Variants in PTPRK observed in about 807,000 individuals in gnomAD.
PTPRK encodes the protein receptor-type tyrosine-protein phosphatase kappa.
In PTPRK, 75 loss-of-function variants were observed where a neutral mutation model predicts 178.0. That is an observed-to-expected ratio of 0.42 (90% CI 0.35 to 0.51). The LOEUF (loss-of-function observed/expected upper bound fraction) is 0.51, where lower values mean the gene tolerates loss of function less well. Among genes scored for constraint, PTPRK ranks in the 20% least tolerant of loss-of-function variants. The pLI, the probability that PTPRK is intolerant of heterozygous loss-of-function variation, is 0.02. For missense variants in PTPRK, 1,441 were observed against 1,797.8 expected, an observed-to-expected ratio of 0.80 and a Z score of 3.59; for synonymous variants, 637 against 620.6, an observed-to-expected ratio of 1.03 and a Z score of -0.39.
At position 128,040,306 on chromosome 6, in the gene PTPRK, T is replaced by A. The variant is rs149509789; in HGVS notation, c.2194+24452A>T. Among the ~76,000 whole-genome samples, 536 of 152,270 alleles carry A rather than the reference T, an allele frequency of 3.5e-3. 3 individuals carry two copies. The highest frequency in any genetic ancestry group is 0.011 in the African/African-American group (467 of 41,574). On this transcript the variant is annotated intron_variant, in intron 13 of 29. Coordinates refer to ENST00000368226, the MANE Select transcript of PTPRK (RefSeq NM_002844.4). The stretch of plus-strand genomic sequence containing the variant: ...GCAGTTTTATTTATTTTATTTTTTT[T>A]AAATAAGAGTCAAAACCAAGATGAT...
chr6:128,124,654 T>A (rs907620580), intron 7 of PTPRK, among the ~76,000 whole-genome samples: 9 of 152,140 alleles, frequency 5.9e-5, no homozygotes, highest in Non-Finnish European at 1.0e-4. Flanking sequence ...GGTTATTATT[T>A]TTTTTTTCTG....
chr6:128,184,088 G>A (rs975670548), intron 7 of PTPRK, among the ~76,000 whole-genome samples: 2 of 152,056 alleles, frequency 1.3e-5, no homozygotes, highest in South Asian at 2.1e-4. Flanking sequence ...AAAAGTATTC[G>A]GTATTTGCTT....
chr6:128,244,303 G>A (rs761894242), intron 3 of PTPRK, among the ~76,000 whole-genome samples: 1 of 152,158 alleles, frequency 6.6e-6, no homozygotes, highest in Non-Finnish European at 1.5e-5. Flanking sequence ...GTTATCTGAC[G>A]AAGGATATCA....
chr6:128,043,873 T>G (rs1176195132), intron 13 of PTPRK, among the ~76,000 whole-genome samples: 1 of 151,924 alleles, frequency 6.6e-6, no homozygotes, highest in Non-Finnish European at 1.5e-5. Context: ...TATTTTTTAG[T>G]ATTCTGTATA....
intron 27 of PTPRK, among the ~76,000 whole-genome samples, chr6:127,976,056 C>T (rs190790602): frequency 4.6e-5 from 7 of 152,164 alleles, no homozygotes; most frequent in Admixed American, 1.3e-4. Context: ...CAGAGAAAGA[C>T]GATACAGTTA....
intron 21 of PTPRK, among the ~76,000 whole-genome samples, chr6:127,987,748 G>T (rs1776145704): frequency 6.6e-6 from 1 of 151,988 alleles, no homozygotes; most frequent in Middle Eastern, 3.2e-3. Context: ...TAGTGACACT[G>T]ATTATCCACA....
At chr6:128,015,370 C>T (rs771091650) in intron 13 of PTPRK, among the ~76,000 whole-genome samples, 49 of 151,686 alleles carry the variant, frequency 3.2e-4, no homozygotes, top group Non-Finnish European at 6.3e-4. Context: ...TAAAATAGAG[C>T]GTTAGTGCAC....
chr6:128,468,875 A>G (rs1429811024), intron 1 of PTPRK, among the ~76,000 whole-genome samples: 2 of 148,496 alleles, frequency 1.3e-5, no homozygotes, highest in Non-Finnish European at 1.5e-5. Context: ...AAATGAAAAC[A>G]CTGCCTCAAG....
At chr6:128,336,746 TAAAC>T (rs965698239) in intron 2 of PTPRK, among the ~76,000 whole-genome samples, 25 of 152,242 alleles carry the variant, frequency 1.6e-4, no homozygotes, top group African/African-American at 5.1e-4. Context: ...AACAAACAAA[TAAAC>T]AAAAACTTCT....
intron 3 of PTPRK, among the ~76,000 whole-genome samples, chr6:128,273,476 C>T (rs1199675712): frequency 6.6e-6 from 1 of 152,172 alleles, no homozygotes; most frequent in Non-Finnish European, 1.5e-5. Context: ...ATCTATCCTC[C>T]TTCCTATGTA....
chr6:128,081,638 T>A (rs1172360804), intron 10 of PTPRK, among the ~76,000 whole-genome samples: 1 of 152,026 alleles, frequency 6.6e-6, no homozygotes, highest in Non-Finnish European at 1.5e-5. Context: ...CTTTACTACA[T>A]TGTGTGGTTG....
chr6:128,142,553 T>A (rs1335824288), intron 7 of PTPRK, among the ~76,000 whole-genome samples: 1 of 150,570 alleles, frequency 6.6e-6, no homozygotes, highest in South Asian at 2.1e-4. Context: ...ATATACATAA[T>A]ATATATATAC....
At chr6:128,406,085 C>CA (rs973249993) in intron 1 of PTPRK, among the ~76,000 whole-genome samples, 19 of 151,406 alleles carry the variant, frequency 1.3e-4, no homozygotes, top group African/African-American at 4.4e-4. Context: ...AGGGAGAACC[C>CA]ACCTCTACAA....
At chr6:128,059,121 G>A (rs139283961) in intron 13 of PTPRK, among the ~76,000 whole-genome samples, 15 of 152,044 alleles carry the variant, frequency 9.9e-5, no homozygotes, top group Non-Finnish European at 1.9e-4. Context: ...GAGTAGCCTT[G>A]CATATTCTTA....
intron 3 of PTPRK, among the ~76,000 whole-genome samples, chr6:128,291,073 G>A (rs556788020): frequency 6.6e-6 from 1 of 152,174 alleles, no homozygotes; most frequent in African/African-American, 2.4e-5. Context: ...TTACCAGTCA[G>A]GTGACCTTGA....
intron 1 of PTPRK, among the ~76,000 whole-genome samples, chr6:128,463,468 T>G (rs1293078666): frequency 2.6e-5 from 4 of 152,144 alleles, no homozygotes; most frequent in Non-Finnish European, 5.9e-5. Context: ...CACAAAGGCT[T>G]CAATTTACCT....
At chr6:128,390,486 A>G (rs1476682482) in intron 2 of PTPRK, among the ~76,000 whole-genome samples, 4 of 152,172 alleles carry the variant, frequency 2.6e-5, no homozygotes, top group Non-Finnish European at 4.4e-5. Flanking sequence ...TTGTGGAAAG[A>G]AGTATTTTAA....
At chr6:128,232,558 C>A (rs1812485649) in intron 5 of PTPRK, among the ~76,000 whole-genome samples, 1 of 152,158 alleles carries the variant, frequency 6.6e-6, no homozygotes, top group African/African-American at 2.4e-5. Context: ...TTATAATCAG[C>A]TTATAGCTCT....
chr6:128,163,197 T>C (rs1279688289), intron 7 of PTPRK, among the ~76,000 whole-genome samples: 1 of 151,362 alleles, frequency 6.6e-6, no homozygotes, highest in Non-Finnish European at 1.5e-5. Context: ...AGATTTATTC[T>C]ATAAAAATAC....
Sources: gnomAD v4.1 joint callset for allele counts (sites outside exome capture counted in the v4.1 genomes callset) on GRCh38, gnomAD v4.1.1 for gene constraint, MANE v1.5 for transcripts, NCBI Gene and HGNC (gene_info 2026-07-23, HGNC 2026-07-21) for gene names.